RORA: variants seen among roughly 807,000 people sequenced by gnomAD.
The protein encoded by RORA is nuclear receptor ROR-alpha.
Under a neutral mutation model 69.5 loss-of-function variants are expected in RORA, and 7 were observed. The observed-to-expected ratio is 0.10, with a 90% CI of 0.06 to 0.19. RORA has a LOEUF of 0.19. Among genes scored for constraint, RORA ranks in the 10% least tolerant of loss-of-function variants. The pLI is 1.00. For synonymous variants in RORA, 261 were observed against 240.8 expected (o/e 1.08, Z -0.78); for missense variants, 457 against 663.0 (o/e 0.69, Z 3.41).
intron 1 of RORA, among the ~76,000 whole-genome samples, chr15:61,219,727 C>T (rs2080077225): frequency 6.6e-6 from 1 of 152,170 alleles, no homozygotes; most frequent in African/African-American, 2.4e-5. Flanking sequence ...AACACGTTAC[C>T]TTTGTCAGCA....
chr15:60,664,301 T>A (rs2070350045), intron 2 of RORA, among the ~76,000 whole-genome samples: 1 of 152,148 alleles, frequency 6.6e-6, no homozygotes, highest in Admixed American at 6.5e-5. Flanking sequence ...TGTGTGATAG[T>A]AACAGTTTTT....
At chr15:60,925,646 T>C (rs1483339899) in intron 1 of RORA, among the ~76,000 whole-genome samples, 2 of 152,230 alleles carry the variant, frequency 1.3e-5, no homozygotes, top group Non-Finnish European at 2.9e-5. Context: ...ATACAGTGAA[T>C]GATCATCAGA....
chr15:60,647,193 T>C (rs2070061199), intron 2 of RORA, among the ~76,000 whole-genome samples: 1 of 152,236 alleles, frequency 6.6e-6, no homozygotes, highest in Non-Finnish European at 1.5e-5. Flanking sequence ...GTATAAGGAC[T>C]TTATCTATCT....
chr15:60,634,503 C>G (rs966696655), intron 2 of RORA, among the ~76,000 whole-genome samples: 1 of 151,818 alleles, frequency 6.6e-6, no homozygotes, highest in Non-Finnish European at 1.5e-5. Flanking sequence ...CTCCCGGGTT[C>G]AAGCGATTCT....
intron 1 of RORA, among the ~76,000 whole-genome samples, chr15:60,831,124 C>T (rs537430994): frequency 3.9e-5 from 6 of 152,294 alleles, no homozygotes; most frequent in East Asian, 1.9e-4. Context: ...GCTGTGTCTT[C>T]CGCTCTCTTC....
At chr15:61,033,734 C>A (rs1002769186) in intron 1 of RORA, among the ~76,000 whole-genome samples, 6 of 152,020 alleles carry the variant, frequency 3.9e-5, no homozygotes, top group Non-Finnish European at 7.4e-5. Flanking sequence ...CATACATACA[C>A]CAGATTTTCC....
At chr15:61,209,356 CA>C (rs2079970052) in intron 1 of RORA, among the ~76,000 whole-genome samples, 1 of 151,656 alleles carries the variant, frequency 6.6e-6, no homozygotes, top group African/African-American at 2.4e-5. Flanking sequence ...TGATTTCAAA[CA>C]GTACAGGAAT....
At chr15:60,664,527 C>G (rs1196221108) in intron 2 of RORA, among the ~76,000 whole-genome samples, 1 of 152,170 alleles carries the variant, frequency 6.6e-6, no homozygotes, top group Admixed American at 6.5e-5. Context: ...CTTCCTTCAT[C>G]CTGTTCTCAT....
chr15:61,157,489 G>C (rs2079454797), intron 1 of RORA, among the ~76,000 whole-genome samples: 1 of 152,122 alleles, frequency 6.6e-6, no homozygotes, highest in Admixed American at 6.6e-5. Context: ...ACTGGACTCA[G>C]CTAGGTATTT....
chr15:60,615,506 G>A lies in RORA; in HGVS notation c.196+63151C>T, dbSNP rs150320742. Among the ~76,000 whole-genome samples the A allele has an allele frequency of 6.6e-3, 999 of 152,266 alleles. 14 individuals carry two copies. Among genetic ancestry groups the A allele is most frequent in the African/African-American group, 0.023 (935 of 41,548 alleles). On this transcript the variant is annotated intron_variant, in intron 2 of 10. Coordinates refer to ENST00000335670, the MANE Select transcript of RORA (RefSeq NM_134261.3). ...CTAAGCAGGTAACTCTGTACCGGGG[G>A]CTCCAGCAGCAGCCGGGGAGGAGAA...
intron 1 of RORA, among the ~76,000 whole-genome samples, chr15:61,141,063 A>G (rs965252925): frequency 6.6e-6 from 1 of 152,162 alleles, no homozygotes; most frequent in African/African-American, 2.4e-5. Flanking sequence ...ACAACGGAAA[A>G]GTGTAAATTG....
rs958766922 is a variant in RORA, at chr15:60,488,731, C to G, written c.*8724G>C. 2 of 152,136 alleles carry G rather than the reference C, an allele frequency of 1.3e-5. No individual in the cohort carries two copies. Among genetic ancestry groups the G allele is most frequent in the Non-Finnish European group, 1.5e-5 (1 of 68,010 alleles). The allele number at this position is 152,136 out of a possible 1,614,324, so 9.4% of individuals were successfully genotyped here. A position where few individuals can be genotyped will look rare whatever the true frequency, so the allele number is the denominator to read the frequency against. On this transcript the variant is annotated 3_prime_UTR_variant, in exon 11 of 11. Transcript: ENST00000335670. ...TTTTACATACTGTACACAAAACAGA[C>G]AGCATATATTTATAGGTACAGTATT... is the stretch of plus-strand genomic sequence containing the variant.
chr15:61,124,213 C>A (rs369083282), intron 1 of RORA, among the ~76,000 whole-genome samples: 48 of 152,330 alleles, frequency 3.2e-4, no homozygotes, highest in African/African-American at 1.2e-3. Context: ...TTAAGCAATT[C>A]CCTTATCGGG....
chr15:61,113,097 G>A (rs1340118468), intron 1 of RORA, among the ~76,000 whole-genome samples: 3 of 152,222 alleles, frequency 2.0e-5, no homozygotes, highest in Non-Finnish European at 2.9e-5. Flanking sequence ...CAGCTCTGCT[G>A]GGCTGTGCTG....
intron 1 of RORA, among the ~76,000 whole-genome samples, chr15:61,024,429 G>A (rs1895696605): frequency 2.0e-5 from 3 of 148,748 alleles, no homozygotes; most frequent in African/African-American, 7.4e-5. Context: ...GACTGCAGGT[G>A]CAAGCTACCA....
chr15:60,673,031 T>G (rs2070498252), intron 2 of RORA, among the ~76,000 whole-genome samples: 1 of 152,210 alleles, frequency 6.6e-6, no homozygotes, highest in African/African-American at 2.4e-5. Context: ...CTAGGCATGT[T>G]TGTTTTCTCC....
At chr15:61,094,410 T>C (rs374028286) in intron 1 of RORA, among the ~76,000 whole-genome samples, 6 of 152,244 alleles carry the variant, frequency 3.9e-5, no homozygotes, top group Admixed American at 6.5e-5. Flanking sequence ...ATCCAGGTAG[T>C]AGGTATCTCA....
rs116837992 is a variant in RORA, at chr15:60,818,783, T to G, written c.167-140097A>C. 5.7e-3 allele frequency among the ~76,000 whole-genome samples: 863 copies of G among 152,334 alleles called. 8 individuals are homozygous for G. Among genetic ancestry groups the G allele is most frequent in the African/African-American group, 0.019 (776 of 41,574 alleles). On this transcript the variant is annotated intron_variant, in intron 1 of 10. Transcript: ENST00000335670. ...TGAACTGATTTTCTTTGGCTCTTGG[T>G]TTGTCTTTCCTATGATTAGGTACAT...
chr15:61,189,820 G>A (rs1189676118), intron 1 of RORA, among the ~76,000 whole-genome samples: 3 of 111,382 alleles, frequency 2.7e-5, no homozygotes, highest in East Asian at 3.1e-4. Context: ...TTGCACCACC[G>A]CACTCCAGCC....
Sources: gnomAD v4.1 joint callset for allele counts (sites outside exome capture counted in the v4.1 genomes callset) on GRCh38, gnomAD v4.1.1 for gene constraint, MANE v1.5 for transcripts, NCBI Gene and HGNC (gene_info 2026-07-23, HGNC 2026-07-21) for gene names.